UST: variants seen among roughly 807,000 people sequenced by gnomAD.
UST encodes uronyl 2-sulfotransferase, also known as chondroitin sulfate 2-O-sulfotransferase.
UST carries 21 observed loss-of-function variants against 45.6 expected under a neutral mutation model. The ratio of observed to expected loss-of-function variants is 0.46; its 90% CI spans 0.33 to 0.66. UST has a LOEUF of 0.66. UST is among the 30% of genes least tolerant of loss of function. The probability of loss-of-function intolerance (pLI) is 0.02; values close to 1 mark genes in which losing one functional copy is unlikely to be tolerated. For missense variants in UST, 463 were observed against 512.4 expected (o/e 0.90, Z 0.93); for synonymous variants, 215 against 200.6 (o/e 1.07, Z -0.61).
chr6:148,759,721 G>A (rs1217712423), intron 1 of UST, among the ~76,000 whole-genome samples: 1 of 150,640 alleles, frequency 6.6e-6, no homozygotes, highest in Non-Finnish European at 1.5e-5. Context: ...GGTGGTGGGC[G>A]CTTGTAGCCC....
chr6:149,066,632 G>A lies in UST; in HGVS notation c.938-7201G>A, dbSNP rs142496942. On this transcript the variant is annotated intron_variant, in intron 7 of 7. Coordinates refer to ENST00000367463, the MANE Select transcript of UST (RefSeq NM_005715.3). ...GGGATTTAGGGAGGGATTAAGAAGA[G>A]TAAGGAAGACTGAAGTAACTGAAAT... 6.6e-5 allele frequency among the ~76,000 whole-genome samples: 10 copies of A among 152,276 alleles called. No homozygotes were observed. In the East Asian group the frequency reaches 1.2e-3, roughly 18 times the overall value.
intron 1 of UST, among the ~76,000 whole-genome samples, chr6:148,768,309 C>T (rs1356674127): frequency 6.6e-6 from 1 of 152,064 alleles, no homozygotes; most frequent in Non-Finnish European, 1.5e-5. Flanking sequence ...ATTTCTTTTG[C>T]AATTTTTCTC....
intron 1 of UST, among the ~76,000 whole-genome samples, chr6:148,826,515 A>G (rs1777570223): frequency 6.6e-6 from 1 of 151,958 alleles, no homozygotes; most frequent in Non-Finnish European, 1.5e-5. Context: ...TGTACTTTTT[A>G]TATTGAATTG....
chr6:148,816,767 CT>C (rs139065151), intron 1 of UST, among the ~76,000 whole-genome samples: 1,938 of 152,152 alleles, frequency 0.013, 42 homozygotes, highest in African/African-American at 0.044. Flanking sequence ...CATTTATTTC[CT>C]TTTTTTGTAT....
rs1009592252 is a variant in UST, at chr6:148,790,293, G to A, written c.247+42616G>A. ...CCAACTGGAATGAAAGCTTCTGGGA[G>A]TAGAGACCCCGTTTTGCTGTCTGCT... On this transcript the variant is annotated intron_variant, in intron 1 of 7. Transcript: ENST00000367463. This position sits in a 1 kb window ranked among gnomAD's most constrained non-coding sequence, Gnocchi z 4.2. 2.6e-5 allele frequency among the ~76,000 whole-genome samples: 4 copies of A among 152,180 alleles called. No homozygotes were observed. Among genetic ancestry groups the A allele is most frequent in the African/African-American group, 9.7e-5 (4 of 41,442 alleles).
chr6:148,953,830 A>G (rs757616942), intron 3 of UST, 42 bp from the exon 4 acceptor site: 1 of 1,281,494 alleles, frequency 7.8e-7, no homozygotes, highest in South Asian at 1.5e-5. Flanking sequence ...ATGGCTTGGT[A>G]AATTAGATCC....
chr6:148,814,535 TG>T (rs1157093023), intron 1 of UST, among the ~76,000 whole-genome samples: 1 of 152,148 alleles, frequency 6.6e-6, no homozygotes, highest in Non-Finnish European at 1.5e-5. Flanking sequence ...TGCAGATTTA[TG>T]ACACCCGATG....
At chr6:148,996,716 T>C (rs1361270243) in intron 5 of UST, among the ~76,000 whole-genome samples, 1 of 152,246 alleles carries the variant, frequency 6.6e-6, no homozygotes, top group African/African-American at 2.4e-5. Flanking sequence ...AAGATAGATC[T>C]GGGAAATTCT....
At chr6:148,965,892 T>C (rs1398173965) in intron 5 of UST, among the ~76,000 whole-genome samples, 2 of 147,172 alleles carry the variant, frequency 1.4e-5, no homozygotes, top group Non-Finnish European at 3.0e-5. Context: ...TTTTTTTTTT[T>C]TTTTTAGTTT....
At chr6:148,950,138 T>C (rs1241999330) in intron 3 of UST, among the ~76,000 whole-genome samples, 2 of 152,194 alleles carry the variant, frequency 1.3e-5, no homozygotes, top group Non-Finnish European at 2.9e-5. Flanking sequence ...TCTCACACTT[T>C]TGTGCCTTAG....
intron 5 of UST, among the ~76,000 whole-genome samples, chr6:149,003,038 A>G (rs1781582809): frequency 6.6e-6 from 1 of 152,188 alleles, no homozygotes; most frequent in African/African-American, 2.4e-5. Flanking sequence ...GAATCTTGGC[A>G]TTCATTGGTT....
chr6:148,962,773 T>G (rs952763487), intron 4 of UST, among the ~76,000 whole-genome samples: 1 of 152,216 alleles, frequency 6.6e-6, no homozygotes, highest in Non-Finnish European at 1.5e-5. Flanking sequence ...TGCCTGAAAT[T>G]CCACTATCTC....
At chr6:149,050,460 T>G (rs527294133) in intron 7 of UST, among the ~76,000 whole-genome samples, 2 of 152,352 alleles carry the variant, frequency 1.3e-5, no homozygotes, top group South Asian at 4.1e-4. Flanking sequence ...GATTTATGTT[T>G]GGTAAGTGTG....
intron 5 of UST, among the ~76,000 whole-genome samples, chr6:148,978,199 A>G (rs565740159): frequency 1.4e-4 from 22 of 152,218 alleles, no homozygotes; most frequent in African/African-American, 5.3e-4. Context: ...TCTTTTTTCT[A>G]GTTTTTATAA....
At chr6:148,814,479 A>C (rs1265212616) in intron 1 of UST, among the ~76,000 whole-genome samples, 1 of 152,108 alleles carries the variant, frequency 6.6e-6, no homozygotes, top group South Asian at 2.1e-4. Context: ...ATTCAACTGC[A>C]TTAAAAAAAA....
At chr6:148,859,608 A>G (rs565202751) in intron 1 of UST, among the ~76,000 whole-genome samples, 1 of 152,306 alleles carries the variant, frequency 6.6e-6, no homozygotes, top group African/African-American at 2.4e-5. Flanking sequence ...GTTTTCTTCT[A>G]GGGTTTTTAT....
chr6:148,760,836 T>A (rs1776204012), intron 1 of UST, among the ~76,000 whole-genome samples: 1 of 151,944 alleles, frequency 6.6e-6, no homozygotes, highest in Non-Finnish European at 1.5e-5. Context: ...ACTCACGAGA[T>A]AAATGGGCAG....
At chr6:148,916,649 T>C (rs1313113168) in intron 2 of UST, among the ~76,000 whole-genome samples, 1 of 152,210 alleles carries the variant, frequency 6.6e-6, no homozygotes, top group Non-Finnish European at 1.5e-5. Context: ...CCTCCACTTC[T>C]GAGAGCAGTT....
intron 2 of UST, among the ~76,000 whole-genome samples, chr6:148,891,668 G>A (rs1260271363): frequency 2.0e-5 from 3 of 152,174 alleles, no homozygotes; most frequent in Non-Finnish European, 4.4e-5. Flanking sequence ...ACTAATTTAA[G>A]TAGAAATACA....
Sources: gnomAD v4.1 joint callset for allele counts (sites outside exome capture counted in the v4.1 genomes callset) on GRCh38, gnomAD v4.1.1 for gene constraint, Gnocchi (gnomAD v3.1) non-coding constraint, MANE v1.5 for transcripts, NCBI Gene and HGNC (gene_info 2026-07-23, HGNC 2026-07-21) for gene names.